C3orf49: variants seen among roughly 807,000 people sequenced by gnomAD.
C3orf49 encodes the protein putative uncharacterized protein C3orf49.
Under a neutral mutation model 13.3 loss-of-function variants are expected in C3orf49, and 27 were observed. The observed-to-expected ratio is 2.02, with a 90% CI of 1.49 to 2.79. C3orf49 has a LOEUF of 2.79. Among genes scored for constraint, C3orf49 ranks in the 30% most tolerant of loss-of-function variants. The pLI is 0.00. For synonymous variants in C3orf49, 87 were observed against 47.6 expected, an observed-to-expected ratio of 1.83 and a Z score of -3.40; for missense variants, 242 against 134.2, an observed-to-expected ratio of 1.80 and a Z score of -3.97.
the C3orf49 span, among the ~76,000 whole-genome samples, chr3:63,790,422 A>T: frequency 6.6e-6 from 1 of 152,206 alleles, no homozygotes; most frequent in African/African-American, 2.4e-5. Flanking sequence ...GCGATTTTCA[A>T]CCTTGGCTAT....
At chr3:63,809,002 C>T in the C3orf49 span, among the ~76,000 whole-genome samples, 3 of 152,154 alleles carry the variant, frequency 2.0e-5, no homozygotes, top group East Asian at 5.8e-4. Context: ...AGGAGACTTT[C>T]CTCTCCAAAA....
At chr3:63,828,895 C>T (rs1701498323) in intron 3 of C3orf49, among the ~76,000 whole-genome samples, 1 of 152,302 alleles carries the variant, frequency 6.6e-6, no homozygotes, top group East Asian at 1.9e-4. Context: ...AATTGCCATG[C>T]TACAGACTAA....
the C3orf49 span, among the ~76,000 whole-genome samples, chr3:63,798,740 A>C: frequency 3.1e-4 from 47 of 152,258 alleles, no homozygotes; most frequent in African/African-American, 1.0e-3. Flanking sequence ...GAGTGTGTCT[A>C]AATGTAAGTT....
chr3:63,847,277 T>G (rs1276982259), intron 6 of C3orf49, among the ~76,000 whole-genome samples: 1 of 152,218 alleles, frequency 6.6e-6, no homozygotes, highest in African/African-American at 2.4e-5. Flanking sequence ...CCAAATTTCC[T>G]TGTCAATTTC....
chr3:63,821,016 T>G (rs919117651), intron 1 of C3orf49, among the ~76,000 whole-genome samples: 2 of 152,182 alleles, frequency 1.3e-5, no homozygotes, highest in Admixed American at 1.3e-4. Flanking sequence ...CTGATCCACA[T>G]GGTAATAAAA....
intron 6 of C3orf49, among the ~76,000 whole-genome samples, chr3:63,847,357 T>C (rs1049331285): frequency 6.6e-6 from 1 of 152,192 alleles, no homozygotes; most frequent in Admixed American, 6.5e-5. Flanking sequence ...CCACAGTTAA[T>C]TGTTTTGGTT....
At chr3:63,814,908 G>A (rs1243767575), upstream of C3orf49, among the ~76,000 whole-genome samples, 2 of 152,188 alleles carry the variant, frequency 1.3e-5, no homozygotes, top group Non-Finnish European at 2.9e-5. Context: ...TCATGGTTCT[G>A]CAGGCTGTAC....
Position 63,845,020 on chromosome 3 carries a change from C to T in C3orf49, c.850-3C>T. The T allele has an allele frequency of 1.4e-6, 1 of 697,002 alleles. No individual in the cohort carries two copies. Among genetic ancestry groups the T allele is most frequent in the Non-Finnish European group, 2.6e-6 (1 of 381,610 alleles). 43.2% of individuals were successfully genotyped at this position (697,002 alleles called of 1,614,324 possible). ...CATTTGTTGTAATTTTGTCTCTTGA[C>T]AGATGACCACAAAAGGACCTGGAGA... On this transcript the variant is annotated splice_region_variant and splice_polypyrimidine_tract_variant and intron_variant, in intron 5 of 6. Coordinates refer to ENST00000295896, the MANE Select transcript of C3orf49 (RefSeq NM_001355236.2).
chr3:63,792,031 T>G, the C3orf49 span, among the ~76,000 whole-genome samples: 32 of 152,358 alleles, frequency 2.1e-4, no homozygotes, highest in Non-Finnish European at 4.3e-4. Flanking sequence ...TCTTTACCTA[T>G]AGAAAACGTT....
chr3:63,782,441 A>C, the C3orf49 span: 1 of 152,222 alleles, frequency 6.6e-6, no homozygotes, highest in Admixed American at 6.5e-5. Flanking sequence ...CCTGTAGATA[A>C]GAATGGGGTC....
chr3:63,806,270 G>A, the C3orf49 span, among the ~76,000 whole-genome samples: 1 of 152,180 alleles, frequency 6.6e-6, no homozygotes, highest in Admixed American at 6.5e-5. Flanking sequence ...GCGCTAACAC[G>A]CTTGTTAACA....
the C3orf49 span, among the ~76,000 whole-genome samples, chr3:63,807,081 A>G: frequency 6.6e-6 from 1 of 151,856 alleles, no homozygotes; most frequent in Admixed American, 6.6e-5. Flanking sequence ...CCACCCGAGT[A>G]GCTGGGACTA....
chr3:63,790,577 C>T, the C3orf49 span, among the ~76,000 whole-genome samples: 3 of 143,314 alleles, frequency 2.1e-5, no homozygotes, highest in Non-Finnish European at 4.5e-5. Flanking sequence ...AGTCTAGGAT[C>T]TTGCTATAGC....
At chr3:63,828,291 G>A (rs893998212) in intron 3 of C3orf49, among the ~76,000 whole-genome samples, 1 of 152,024 alleles carries the variant, frequency 6.6e-6, no homozygotes, top group Admixed American at 6.6e-5. Flanking sequence ...GGTATGCATG[G>A]GTTTTGTTTG....
chr3:63,817,288 C>A (rs181811592), upstream of C3orf49, among the ~76,000 whole-genome samples: 245 of 152,222 alleles, frequency 1.6e-3, 2 homozygotes, highest in East Asian at 3.5e-3. Flanking sequence ...TCCTCTTTTA[C>A]TTTTTTCATA....
chr3:63,786,681 G>C, the C3orf49 span, among the ~76,000 whole-genome samples: 1 of 152,180 alleles, frequency 6.6e-6, no homozygotes, highest in African/African-American at 2.4e-5. Context: ...CTGCCTTCCA[G>C]TTGCTCTGTT....
intron 5 of C3orf49, chr3:63,839,903 C>G (rs1169484362): frequency 1.5e-6 from 1 of 686,452 alleles, no homozygotes; most frequent in South Asian, 1.9e-5. Context: ...TGCCACTGAA[C>G]TGTACACTTA....
the C3orf49 span, among the ~76,000 whole-genome samples, chr3:63,794,390 C>G: frequency 7.9e-5 from 12 of 152,072 alleles, no homozygotes; most frequent in African/African-American, 2.6e-4. Flanking sequence ...TTTCTCCTCT[C>G]TATTGGATTA....
At chr3:63,813,388 T>C in the C3orf49 span, among the ~76,000 whole-genome samples, 1 of 152,184 alleles carries the variant, frequency 6.6e-6, no homozygotes, top group African/African-American at 2.4e-5. Context: ...GATTCATATG[T>C]TGTTTTTCCA....
Sources: gnomAD v4.1 joint callset for allele counts (sites outside exome capture counted in the v4.1 genomes callset) on GRCh38, gnomAD v4.1.1 for gene constraint, MANE v1.5 for transcripts, NCBI Gene and HGNC (gene_info 2026-07-23, HGNC 2026-07-21) for gene names.